TENM3: variants seen among roughly 807,000 people sequenced by gnomAD.
TENM3 encodes teneurin transmembrane protein 3.
TENM3 carries 63 observed loss-of-function variants against 255.1 expected under a neutral mutation model. The observed-to-expected ratio is 0.25, with a 90% CI of 0.20 to 0.30. TENM3 has a LOEUF of 0.30. Ranked by LOEUF, TENM3 falls within the 10% of genes least tolerant of loss-of-function variation. The pLI, the probability that TENM3 is intolerant of heterozygous loss-of-function variation, is 1.00. For synonymous variants in TENM3, 1,306 were observed against 1,322.3 expected (o/e 0.99, Z 0.27); for missense variants, 2,929 against 3,461.1 (o/e 0.85, Z 3.86).
the TENM3 span, among the ~76,000 whole-genome samples, chr4:181,742,655 T>G: frequency 6.6e-6 from 1 of 151,990 alleles, no homozygotes; most frequent in Admixed American, 6.6e-5. Context: ...AGTGCTTTTT[T>G]TTGCTGTTTT....
At chr4:181,832,864 C>T in the TENM3 span, among the ~76,000 whole-genome samples, 3 of 152,092 alleles carry the variant, frequency 2.0e-5, no homozygotes, top group African/African-American at 7.2e-5. Context: ...AAATGAACCC[C>T]GTGGATAACC....
At chr4:182,406,231 G>T (rs2151056967) in intron 3 of TENM3, among the ~76,000 whole-genome samples, 1 of 152,164 alleles carries the variant, frequency 6.6e-6, no homozygotes, top group Non-Finnish European at 1.5e-5. Flanking sequence ...CTTGAACCTG[G>T]GAGTCAGAGG....
the TENM3 span, among the ~76,000 whole-genome samples, chr4:181,857,551 CAAAAAAAA>C: frequency 2.9e-5 from 3 of 104,800 alleles, no homozygotes; most frequent in South Asian, 2.7e-4. Context: ...CCTGTCTCTA[CAAAAAAAA>C]AAAAAAAAAA....
At chr4:182,317,571 G>A (rs1762823052) in intron 1 of TENM3, among the ~76,000 whole-genome samples, 1 of 152,082 alleles carries the variant, frequency 6.6e-6, no homozygotes. Flanking sequence ...GCCTCCCAAA[G>A]TGCTGGAATT....
At chr4:182,218,600 A>G (rs1755653512) in intron 1 of TENM3, among the ~76,000 whole-genome samples, 2 of 152,216 alleles carry the variant, frequency 1.3e-5, no homozygotes, top group Non-Finnish European at 2.9e-5. Flanking sequence ...TGTTCTATAA[A>G]TAACATCCTA....
At chr4:182,080,312 T>C in the TENM3 span, among the ~76,000 whole-genome samples, 1 of 152,144 alleles carries the variant, frequency 6.6e-6, no homozygotes, top group Non-Finnish European at 1.5e-5. Flanking sequence ...TTAAAAAAGA[T>C]GTTATAGAAA....
chr4:181,768,657 T>G, the TENM3 span, among the ~76,000 whole-genome samples: 35,874 of 151,976 alleles, frequency 0.24, 4,434 homozygotes, highest in South Asian at 0.29. Flanking sequence ...ATGCTGTGCC[T>G]TTTTTTTCTA....
chr4:182,240,752 T>A (rs1485204935), upstream of TENM3, among the ~76,000 whole-genome samples: 1 of 151,938 alleles, frequency 6.6e-6, no homozygotes, highest in Non-Finnish European at 1.5e-5. Context: ...AGGTCTTCTG[T>A]CCACCCAGAG....
chr4:182,571,229 T>A (rs2152019152), intron 3 of TENM3, among the ~76,000 whole-genome samples: 1 of 152,030 alleles, frequency 6.6e-6, no homozygotes, highest in East Asian at 1.9e-4. Flanking sequence ...AAACTTTTTT[T>A]AAAACTATAC....
intron 16 of TENM3, among the ~76,000 whole-genome samples, chr4:182,734,852 G>A (rs974066263): frequency 1.3e-5 from 2 of 152,132 alleles, no homozygotes; most frequent in Non-Finnish European, 2.9e-5. Context: ...AAATAGAGAG[G>A]CAGCTTCTGG....
At chr4:181,798,722 T>A in the TENM3 span, among the ~76,000 whole-genome samples, 1 of 152,208 alleles carries the variant, frequency 6.6e-6, no homozygotes, top group Non-Finnish European at 1.5e-5. Flanking sequence ...AGATTTGGGT[T>A]AGTATATATT....
At chr4:182,616,853 C>T (rs1749592369) in intron 4 of TENM3, among the ~76,000 whole-genome samples, 1 of 152,152 alleles carries the variant, frequency 6.6e-6, no homozygotes, top group Non-Finnish European at 1.5e-5. Flanking sequence ...AGGAACCCAG[C>T]CTTGAGTAAG....
the TENM3 span, among the ~76,000 whole-genome samples, chr4:181,494,141 A>G: frequency 6.6e-6 from 1 of 152,208 alleles, no homozygotes; most frequent in Non-Finnish European, 1.5e-5. Context: ...GGTGAACTCA[A>G]GATTTGAACC....
At chr4:181,811,860 C>G in the TENM3 span, among the ~76,000 whole-genome samples, 2 of 152,202 alleles carry the variant, frequency 1.3e-5, no homozygotes, top group South Asian at 4.1e-4. Flanking sequence ...AACCACAACA[C>G]TAGGCCTGCA....
chr4:182,013,996 ACATATATAC>A, the TENM3 span, among the ~76,000 whole-genome samples: 1 of 96,240 alleles, frequency 1.0e-5, no homozygotes, highest in Non-Finnish European at 2.0e-5. Context: ...ACGTATATAC[ACATATATAC>A]GTATATATAC....
At chr4:182,751,317 A>T (rs1762356601) in intron 19 of TENM3, among the ~76,000 whole-genome samples, 1 of 151,866 alleles carries the variant, frequency 6.6e-6, no homozygotes, top group Admixed American at 6.5e-5. Context: ...CTTCAGGGGG[A>T]GGGTTTTTAG....
the TENM3 span, among the ~76,000 whole-genome samples, chr4:181,895,458 A>G: frequency 6.6e-6 from 1 of 150,656 alleles, no homozygotes; most frequent in Non-Finnish European, 1.5e-5. Flanking sequence ...ACCCTCATTC[A>G]GTACACACTC....
At chr4:182,155,875 C>T (rs997081005) in intron 1 of TENM3, among the ~76,000 whole-genome samples, 3 of 152,112 alleles carry the variant, frequency 2.0e-5, no homozygotes, top group African/African-American at 7.2e-5. Context: ...AGAAGTAATA[C>T]AGATTAAGGA....
At chr4:182,125,476 G>A in the TENM3 span, among the ~76,000 whole-genome samples, 1 of 152,128 alleles carries the variant, frequency 6.6e-6, no homozygotes, top group East Asian at 1.9e-4. Flanking sequence ...TATTCCCTGT[G>A]GATAAGGGGA....
Sources: gnomAD v4.1 joint callset for allele counts (sites outside exome capture counted in the v4.1 genomes callset) on GRCh38, gnomAD v4.1.1 for gene constraint, MANE v1.5 for transcripts, NCBI Gene and HGNC (gene_info 2026-07-23, HGNC 2026-07-21) for gene names.